The following NCOA6 variants were observed in gnomAD, a reference collection of about 807,000 sequenced individuals.
NCOA6 encodes nuclear receptor coactivator 6, also known as NRC RAP250.
In NCOA6, 49 loss-of-function variants were observed where a neutral mutation model predicts 171.4. The observed-to-expected ratio is 0.29, with a 90% CI of 0.23 to 0.36. The LOEUF (loss-of-function observed/expected upper bound fraction) is 0.36. Ranked by LOEUF, NCOA6 falls within the 10% of genes least tolerant of loss-of-function variation. The pLI is 1.00. For missense variants in NCOA6, 2,248 were observed against 2,554.5 expected (o/e 0.88, Z 2.59); for synonymous variants, 910 against 927.5 (o/e 0.98, Z 0.34).
At position 34,750,245 on chromosome 20, in the gene NCOA6, A is replaced by C; in HGVS notation, c.1950T>G (p.Leu650=). The change falls in exon 9 of 15, where the codon CTT becomes CTG. Residue 650 remains leucine (L), a synonymous_variant. Transcript: ENST00000359003. ...GTLNPQNPMI[L]SRAQLMPQGQ... is the part of the protein sequence containing the mutation. ...CCTGTGGCATAAGCTGGGCCCTTGA[A>C]AGGATCATAGGGTTCTGAGGGTTCA... 1.9e-6 allele frequency: 3 copies of C among 1,610,622 alleles called. No homozygotes were observed. The highest frequency in any genetic ancestry group is 1.7e-6 in the Non-Finnish European group (2 of 1,178,116).
intron 12 of NCOA6, among the ~76,000 whole-genome samples, chr20:34,735,800 A>G (rs1568730147): frequency 6.6e-6 from 1 of 152,226 alleles, no homozygotes; most frequent in Non-Finnish European, 1.5e-5. Context: ...AGGTTTTAAA[A>G]TAATCACAAA....
chr20:34,740,638 T>C lies in NCOA6; in HGVS notation c.5618A>G (p.Glu1873Gly). The C allele has an allele frequency of 6.2e-7, 1 of 1,614,164 alleles. No homozygotes were observed. Among genetic ancestry groups the C allele is most frequent in the East Asian group, 2.2e-5 (1 of 44,876 alleles). The change falls in exon 11 of 15, where the codon GAG (glutamate) becomes GGG (glycine). Residue 1873 changes from glutamate to glycine, a missense_variant. By Grantham distance (98) the Glu-to-Gly change is moderately conservative. Coordinates refer to ENST00000359003, the MANE Select transcript of NCOA6 (RefSeq NM_014071.5). ...GLMGTEQLST[E>G]LDSKTPTPPA... ...GGGCGTTGGGGTTTTACTGTCCAGCTCTGTGGATAACTGCTCTGTTCCCAT... is the reference window on the plus strand; with the variant it reads ...GGGCGTTGGGGTTTTACTGTCCAGCCCTGTGGATAACTGCTCTGTTCCCAT...
rs762026859 is a variant in NCOA6 at position 34,732,599 on chromosome 20, C to CA, written c.5963-5dup. 3.1e-6 allele frequency: 5 copies of CA among 1,612,012 alleles called. No homozygotes were observed. In the South Asian group the frequency reaches 3.3e-5, roughly 11 times the overall value. Reference sequence around the variant, plus strand: ...ATGGCAGCATTTACCTCCAGCTCTGCAAAAAAATATAAAGGATAGAAATGA... The same window carrying CA: ...ATGGCAGCATTTACCTCCAGCTCTGCAAAAAAAATATAAAGGATAGAAATGA... On this transcript the variant is annotated splice_polypyrimidine_tract_variant and splice_region_variant and intron_variant, in intron 12 of 14. Transcript: ENST00000359003.
rs2077319594 is a variant in NCOA6 at position 34,776,303 on chromosome 20, A to T, written c.381T>A (p.Val127=). Residue 127 remains valine, a synonymous_variant, in exon 4 of 15, where the codon GTT becomes GTA. Transcript: ENST00000359003. ...GGCAAAGTAAAAGACCTTCAATCTG[A>T]ACGGAGAGAATCCCTAAATCCCGAA... ...QQLRDLGILS[V]QIEGEGAINL... is the part of the protein sequence containing the mutation. 6.2e-7 allele frequency: 1 copy of T among 1,613,836 alleles called. No homozygotes were observed. Among genetic ancestry groups the T allele is most frequent in the African/African-American group, 1.3e-5 (1 of 75,046 alleles).
chr20:34,790,283 T>A (rs1015832042), intron 2 of NCOA6, among the ~76,000 whole-genome samples: 2 of 152,008 alleles, frequency 1.3e-5, no homozygotes, highest in Non-Finnish European at 2.9e-5. Flanking sequence ...AAAAACTATA[T>A]GCTAAGTAAC....
chr20:34,807,925 G>T (rs1188117536), intron 1 of NCOA6, among the ~76,000 whole-genome samples: 1 of 151,238 alleles, frequency 6.6e-6, no homozygotes, highest in Non-Finnish European at 1.5e-5. Context: ...CGAGGAGGGT[G>T]GATCACATGA....
chr20:34,787,963 T>G (rs1469050275), intron 2 of NCOA6, among the ~76,000 whole-genome samples: 1 of 150,858 alleles, frequency 6.6e-6, no homozygotes, highest in Non-Finnish European at 1.5e-5. Context: ...GCCTTCCAGG[T>G]TCAAGCAATT....
rs2076171868 is a variant in NCOA6, at chr20:34,742,357, G to A, written c.3899C>T (p.Pro1300Leu). ...LTMNPSNFATPQTHKLDSVVV... is the reference protein window; with the variant it reads ...LTMNPSNFATLQTHKLDSVVV... ...CACAGAATCTAATTTGTGAGTTTGT[G>A]GGGTAGCAAAATTGGAAGGATTCAT... The change falls in exon 11 of 15, where the codon CCA (proline) becomes CTA (leucine). Residue 1300 changes from proline (P) to leucine (L), a missense_variant. Physicochemically the swap from Pro to Leu is moderately conservative, Grantham distance 98. This residue lies in a region of NCOA6 where 884 missense variants were observed against 941.9 expected (regional missense o/e 0.94). Transcript: ENST00000359003. 6.2e-7 allele frequency: 1 copy of A among 1,614,196 alleles called. No individual in the cohort carries two copies. Among genetic ancestry groups the A allele is most frequent in the South Asian group, 1.1e-5 (1 of 91,080 alleles).
chr20:34,721,253 A>C (rs1270736463), intron 14 of NCOA6, among the ~76,000 whole-genome samples: 4 of 150,122 alleles, frequency 2.7e-5, no homozygotes, highest in Non-Finnish European at 4.4e-5. Context: ...AAAAAAAAAA[A>C]AAAAAAAAAA....
chr20:34,812,638 T>TAA (rs202200188), intron 1 of NCOA6, among the ~76,000 whole-genome samples: 1 of 151,260 alleles, frequency 6.6e-6, no homozygotes, highest in South Asian at 2.1e-4. Context: ...CGTTGTTACA[T>TAA]AAAAAAAACA....
At chr20:34,753,471 G>A (rs908550471) in intron 8 of NCOA6, among the ~76,000 whole-genome samples, 25 of 151,798 alleles carry the variant, frequency 1.6e-4, no homozygotes, top group African/African-American at 5.8e-4. Flanking sequence ...GACCAGCCTG[G>A]CCAACATGGT....
intron 14 of NCOA6, among the ~76,000 whole-genome samples, chr20:34,721,238 C>CAAAAAAAAAAAAAAAAAAAAAAAA (rs10531679): frequency 1.5e-4 from 10 of 66,046 alleles, no homozygotes; most frequent in African/African-American, 5.7e-4. Flanking sequence ...TTCCTCTATA[C>CAAAAAAAAAAAAAAAAAAAAAAAA]AAAAAAAAAA....
intron 2 of NCOA6, among the ~76,000 whole-genome samples, chr20:34,788,884 C>T (rs535464950): frequency 3.9e-5 from 6 of 152,222 alleles, no homozygotes; most frequent in Non-Finnish European, 7.4e-5. Context: ...GCCGAGGTTG[C>T]GGTGAACATA....
At chr20:34,786,803 C>T (rs554442254) in intron 2 of NCOA6, among the ~76,000 whole-genome samples, 16 of 152,170 alleles carry the variant, frequency 1.1e-4, no homozygotes, top group African/African-American at 2.4e-4. Flanking sequence ...CCCTTCCTTA[C>T]GCCATCCTTA....
rs970067188 is a variant in NCOA6, at chr20:34,800,982, A to T, written c.-163-8419T>A. ...GTTAGGCTACAAAACAAGTATTAAA[A>T]TTTTTTTTAATTGAAATAACATCAA... On this transcript the variant is annotated intron_variant, in intron 1 of 14. Transcript: ENST00000359003. 5.7e-4 allele frequency among the ~76,000 whole-genome samples: 87 copies of T among 152,146 alleles called. 1 individual carries two copies. The highest frequency in any genetic ancestry group is 4.1e-3 in the Admixed American group (63 of 15,270).
At chr20:34,811,781 T>C (rs1011940205) in intron 1 of NCOA6, among the ~76,000 whole-genome samples, 3 of 152,192 alleles carry the variant, frequency 2.0e-5, no homozygotes, top group Non-Finnish European at 4.4e-5. Flanking sequence ...ATTTAAAAAA[T>C]TAAGTTGGCC....
intron 14 of NCOA6, among the ~76,000 whole-genome samples, chr20:34,725,002 T>C (rs2146989708): frequency 6.6e-6 from 1 of 152,290 alleles, no homozygotes; most frequent in Admixed American, 6.5e-5. Context: ...TTGGTCAGGC[T>C]GGTCTCGAAC....
chr20:34,734,073 C>T (rs1442414386), intron 12 of NCOA6, among the ~76,000 whole-genome samples: 2 of 151,956 alleles, frequency 1.3e-5, no homozygotes, highest in African/African-American at 2.4e-5. Context: ...TGCTCACCCT[C>T]ATTGTTTTTT....
chr20:34,718,326 A>C (rs1988858804), intron 14 of NCOA6, among the ~76,000 whole-genome samples: 1 of 152,210 alleles, frequency 6.6e-6, no homozygotes, highest in Non-Finnish European at 1.5e-5. Context: ...TTTCACCTCC[A>C]ACAGTGAGGT....
Sources: gnomAD v4.1 joint callset for allele counts (sites outside exome capture counted in the v4.1 genomes callset) on GRCh38, gnomAD v4.1.1 for gene constraint, gnomAD v4.1.1 regional missense constraint, MANE v1.5 for transcripts, NCBI Gene and HGNC (gene_info 2026-07-23, HGNC 2026-07-21) for gene names.